SRSF4: variants seen among roughly 807,000 people sequenced by gnomAD.
SRSF4 encodes serine/arginine-rich splicing factor 4.
In SRSF4, 12 loss-of-function variants were observed where a neutral mutation model predicts 48.8. The observed-to-expected ratio is 0.25, with a 90% CI of 0.16 to 0.40. The LOEUF is 0.40. Among genes scored for constraint, SRSF4 ranks in the 10% least tolerant of loss-of-function variants. The pLI is 1.00. For missense variants in SRSF4, 466 were observed against 667.1 expected (o/e 0.70, Z 3.32); for synonymous variants, 248 against 232.5 (o/e 1.07, Z -0.61).
chr1:29,177,164 C>G (rs35300875), intron 1 of SRSF4, among the ~76,000 whole-genome samples: 3,772 of 151,986 alleles, frequency 0.025, 70 homozygotes, highest in Middle Eastern at 0.088. Context: ...TATATACAAT[C>G]AAAGCCAACA....
At chr1:29,153,050 T>C (rs971307477) in intron 4 of SRSF4, among the ~76,000 whole-genome samples, 1 of 152,236 alleles carries the variant, frequency 6.6e-6, no homozygotes, top group African/African-American at 2.4e-5. Context: ...CTAGTTGTGC[T>C]GTGTGCATTT....
chr1:29,174,627 A>AT (rs35648710), intron 1 of SRSF4, among the ~76,000 whole-genome samples: 1 of 151,546 alleles, frequency 6.6e-6, no homozygotes, highest in Non-Finnish European at 1.5e-5. Flanking sequence ...GAAAAAAAAA[A>AT]GGAGTCAGGA....
chr1:29,166,351 T>C lies in SRSF4; in HGVS notation c.108-5834A>G, dbSNP rs567723947. 3.3e-5 allele frequency among the ~76,000 whole-genome samples: 5 copies of C among 152,294 alleles called. No homozygotes were observed. The South Asian group carries it at 8.3e-4, about 25-fold the overall frequency. On this transcript the variant is annotated intron_variant, in intron 1 of 5. Coordinates refer to ENST00000373795, the MANE Select transcript of SRSF4 (RefSeq NM_005626.5). ...TCTGCATAAAGTGCTTGGCAAACTG[T>C]AGAAAGACACTTCTGCAACCAACTC...
chr1:29,147,973 T>C lies in SRSF4; in HGVS notation c.*437A>G. 2.3e-6 allele frequency: 1 copy of C among 426,274 alleles called. No individual in the cohort carries two copies. Among genetic ancestry groups the C allele is most frequent in the East Asian group, 7.2e-5 (1 of 13,902 alleles). 26.4% of individuals were successfully genotyped at this position (426,274 alleles called of 1,614,324 possible). On this transcript the variant is annotated 3_prime_UTR_variant, in exon 6 of 6. Coordinates refer to ENST00000373795, the MANE Select transcript of SRSF4 (RefSeq NM_005626.5). ...TTCACAACTTTGTTAAGTCCAAAAATATGAAACCAAAGTGGTAGGAAACTT... is the reference window on the plus strand; with the variant it reads ...TTCACAACTTTGTTAAGTCCAAAAACATGAAACCAAAGTGGTAGGAAACTT...
chr1:29,154,568 A>C (rs942593037), intron 4 of SRSF4, 128 bp downstream of exon 4: 2 of 886,010 alleles, frequency 2.3e-6, no homozygotes, highest in Non-Finnish European at 3.4e-6. Flanking sequence ...TTCAGTTCAA[A>C]ATTCTAAGTT....
intron 1 of SRSF4, chr1:29,173,466 CTTTTTTTTTTTTTTT>C (rs748265951): frequency 4.1e-5 from 3 of 73,070 alleles, no homozygotes; most frequent in African/African-American, 1.0e-4. Flanking sequence ...TTTTTTTTTT[CTTTTTTTTTTTTTTT>C]TTTGAGATGG....
intron 1 of SRSF4, among the ~76,000 whole-genome samples, chr1:29,165,085 T>C (rs1409220673): frequency 6.6e-6 from 1 of 152,192 alleles, no homozygotes; most frequent in Non-Finnish European, 1.5e-5. Context: ...CCAAGCACTG[T>C]GTTGTCTTTA....
chr1:29,178,758 G>C (rs1160643263), intron 1 of SRSF4, among the ~76,000 whole-genome samples: 1 of 152,196 alleles, frequency 6.6e-6, no homozygotes, highest in Non-Finnish European at 1.5e-5. Flanking sequence ...ACGTAGCTAA[G>C]TTATGCTTTT....
chr1:29,160,452 T>C lies in SRSF4; in HGVS notation c.173A>G (p.Lys58Arg). 1 of 1,613,926 alleles carries C rather than the reference T, an allele frequency of 6.2e-7. No homozygotes were observed. Among genetic ancestry groups the C allele is most frequent in the Non-Finnish European group, 8.5e-7 (1 of 1,179,958 alleles). Residue 58 changes from lysine (K) to arginine (R), a missense_variant, in exon 2 of 6, where the codon AAA (lysine) becomes AGA (arginine). Physicochemically the swap from Lys to Arg is conservative, Grantham distance 26. Coordinates refer to ENST00000373795, the MANE Select transcript of SRSF4 (RefSeq NM_005626.5). ...AATTACTCGCTCACCACAAAGGTCT[T>C]TGCCATTCAGTTCATAAACAGCATC... ...ADDAVYELNG[K>R]DLCGERVIVE...
Position 29,148,556 on chromosome 1 carries a change from T to C in SRSF4, c.1339A>G (p.Asn447Asp). The C allele has an allele frequency of 6.2e-7, 1 of 1,614,140 alleles. No individual in the cohort carries two copies. Among genetic ancestry groups the C allele is most frequent in the Non-Finnish European group, 8.5e-7 (1 of 1,180,028 alleles). Reference sequence around the variant, plus strand: ...GGAAGGTTTGGTTTCGATTTGGAATTGGATCTCGACCTGGACCGGGTCTCC... The same window carrying C: ...GGAAGGTTTGGTTTCGATTTGGAATCGGATCTCGACCTGGACCGGGTCTCC... Reference protein sequence around the residue: ...NQETRSRSRSNSKSKPNLPSE... With the variant: ...NQETRSRSRSDSKSKPNLPSE... The change falls in exon 6 of 6, where the codon AAT becomes GAT. Residue 447 changes from asparagine to aspartate, a missense_variant. Asn to Asp is a conservative substitution (Grantham distance 23). Transcript: ENST00000373795.
chr1:29,157,134 C>T (rs1400386914), intron 3 of SRSF4, among the ~76,000 whole-genome samples: 1 of 152,110 alleles, frequency 6.6e-6, no homozygotes. Context: ...GTGTCTTTCT[C>T]CTTGAACACA....
intron 2 of SRSF4, 170 bp from the exon 3 acceptor site, chr1:29,159,656 C>A: frequency 2.3e-6 from 1 of 440,082 alleles, no homozygotes; most frequent in Non-Finnish European, 4.0e-6. Flanking sequence ...AAGCAATCAG[C>A]TAAATATAAA....
chr1:29,169,614 T>A (rs551375301), intron 1 of SRSF4: 17 of 152,144 alleles, frequency 1.1e-4, no homozygotes, highest in Non-Finnish European at 2.2e-4. Context: ...GAAACTTATA[T>A]CTCAGCAATG....
intron 1 of SRSF4, among the ~76,000 whole-genome samples, chr1:29,164,796 G>T (rs1190916538): frequency 2.6e-5 from 4 of 152,146 alleles, no homozygotes; most frequent in African/African-American, 7.2e-5. Flanking sequence ...GCATATGAAA[G>T]AATAAAAAGC....
intron 1 of SRSF4, among the ~76,000 whole-genome samples, chr1:29,165,178 T>TA (rs961890943): frequency 2.6e-5 from 4 of 152,092 alleles, no homozygotes; most frequent in East Asian, 1.9e-4. Context: ...ATTTTCCCTG[T>TA]AAAAAAAGGC....
chr1:29,168,202 T>G lies in SRSF4; in HGVS notation c.108-7685A>C, dbSNP rs577613817. On this transcript the variant is annotated intron_variant, in intron 1 of 5. Transcript: ENST00000373795. Reference sequence around the variant, plus strand: ...GCAAATTTTTTGTAATTTTTTTTTTTTTTTTTTTAGGAGAGACAGGGTTTC... The same window carrying G: ...GCAAATTTTTTGTAATTTTTTTTTTGTTTTTTTTAGGAGAGACAGGGTTTC... Among the ~76,000 whole-genome samples the G allele has an allele frequency of 5.5e-4, 82 of 149,756 alleles. 1 individual carries two copies. The highest frequency in any genetic ancestry group is 4.2e-3 in the South Asian group (20 of 4,714).
At chr1:29,149,953 A>C in intron 5 of SRSF4, 150 bp downstream of exon 5, 1 of 619,478 alleles carries the variant, frequency 1.6e-6, no homozygotes, top group East Asian at 2.7e-5. Flanking sequence ...GCTTGAGCCC[A>C]GTGAGGTGAG....
chr1:29,175,122 T>C (rs879272984), intron 1 of SRSF4, among the ~76,000 whole-genome samples: 13 of 150,966 alleles, frequency 8.6e-5, no homozygotes, highest in Non-Finnish European at 1.5e-5. Context: ...TCCTTCTCCA[T>C]ATAAAAAAAT....
At chr1:29,159,507 T>C (rs774415189) in intron 2 of SRSF4, 21 bp from the exon 3 acceptor site, 1 of 1,569,296 alleles carries the variant, frequency 6.4e-7, no homozygotes. Flanking sequence ...TTCAAATAAA[T>C]AAGATTATTT....
Sources: gnomAD v4.1 joint callset for allele counts (sites outside exome capture counted in the v4.1 genomes callset) on GRCh38, gnomAD v4.1.1 for gene constraint, MANE v1.5 for transcripts, NCBI Gene and HGNC (gene_info 2026-07-23, HGNC 2026-07-21) for gene names.